The following CDK14 variants were observed in gnomAD, a reference collection of about 807,000 sequenced individuals.
The protein encoded by CDK14 is cyclin dependent kinase 14.
In CDK14, 34 loss-of-function variants were observed where a neutral mutation model predicts 60.7. The ratio of observed to expected loss-of-function variants is 0.56; its 90% CI spans 0.43 to 0.75. The LOEUF is 0.75. Among genes scored for constraint, CDK14 ranks in the 30% least tolerant of loss-of-function variants. CDK14 has a pLI of 0.00. For synonymous variants in CDK14, 197 were observed against 203.7 expected (o/e 0.97, Z 0.28); for missense variants, 482 against 564.1 (o/e 0.85, Z 1.47).
chr7:90,600,311 TTTTC>T (rs1799288274), intron 1 of CDK14, among the ~76,000 whole-genome samples: 1 of 152,246 alleles, frequency 6.6e-6, no homozygotes, highest in Non-Finnish European at 1.5e-5. Context: ...TCATTTCCTC[TTTTC>T]TTTCTTGTTT....
intron 2 of CDK14, among the ~76,000 whole-genome samples, chr7:90,639,289 T>G (rs1279107499): frequency 6.6e-6 from 1 of 152,014 alleles, no homozygotes; most frequent in African/African-American, 2.4e-5. Context: ...ATGATGGTGA[T>G]GTACAGATGG....
At chr7:91,137,688 T>G (rs1004436244) in intron 14 of CDK14, among the ~76,000 whole-genome samples, 28 of 37,840 alleles carry the variant, frequency 7.4e-4, no homozygotes, top group African/African-American at 1.6e-3. Context: ...TAAAGACTTG[T>G]GGGGGGTGTG....
intron 9 of CDK14, among the ~76,000 whole-genome samples, chr7:90,970,286 AACAC>A (rs1264857962): frequency 6.6e-6 from 1 of 151,518 alleles, no homozygotes; most frequent in Non-Finnish European, 1.5e-5. Context: ...GCACTTTTTA[AACAC>A]AGCCAACATC....
intron 2 of CDK14, among the ~76,000 whole-genome samples, chr7:90,700,597 A>G (rs1054453798): frequency 6.6e-5 from 10 of 152,170 alleles, no homozygotes; most frequent in Admixed American, 1.3e-4. Context: ...TGAATTATCA[A>G]ATTACATCCA....
intron 1 of CDK14, among the ~76,000 whole-genome samples, chr7:90,599,628 C>G (rs1419535572): frequency 6.6e-6 from 1 of 152,198 alleles, no homozygotes; most frequent in Non-Finnish European, 1.5e-5. Flanking sequence ...ACCCCATCAT[C>G]CTCCTTTCTT....
chr7:90,745,908 A>G (rs1253296577), intron 3 of CDK14, among the ~76,000 whole-genome samples: 1 of 152,050 alleles, frequency 6.6e-6, no homozygotes, highest in African/African-American at 2.4e-5. Flanking sequence ...TTCTCTACTG[A>G]TTGTGTGAAA....
At chr7:90,676,594 G>A (rs996413778) in intron 2 of CDK14, among the ~76,000 whole-genome samples, 3 of 150,644 alleles carry the variant, frequency 2.0e-5, no homozygotes, top group East Asian at 1.9e-4. Flanking sequence ...GTGCAGTGGC[G>A]TGATCTCGGC....
chr7:91,176,094 A>T (rs1244961689), intron 14 of CDK14, among the ~76,000 whole-genome samples: 2 of 151,576 alleles, frequency 1.3e-5, no homozygotes, highest in African/African-American at 4.8e-5. Context: ...AAGAACAGAA[A>T]TTATAACAAA....
At chr7:91,031,127 A>G (rs1346412378) in intron 10 of CDK14, among the ~76,000 whole-genome samples, 1 of 152,180 alleles carries the variant, frequency 6.6e-6, no homozygotes, top group African/African-American at 2.4e-5. Flanking sequence ...TCGGGGAAAT[A>G]TATTGTGAGT....
intron 14 of CDK14, among the ~76,000 whole-genome samples, chr7:91,201,522 G>T (rs1584209884): frequency 6.6e-6 from 1 of 151,186 alleles, no homozygotes; most frequent in East Asian, 1.9e-4. Context: ...GAAGGGCAAT[G>T]CAGCAGGAAA....
At chr7:90,624,102 T>C (rs1799828255) in intron 2 of CDK14, among the ~76,000 whole-genome samples, 1 of 152,196 alleles carries the variant, frequency 6.6e-6, no homozygotes, top group Admixed American at 6.5e-5. Flanking sequence ...GTTTCATCTC[T>C]GTTTTGTAGA....
intron 7 of CDK14, among the ~76,000 whole-genome samples, chr7:90,916,835 T>A (rs924165514): frequency 4.6e-5 from 7 of 152,182 alleles, no homozygotes; most frequent in African/African-American, 1.7e-4. Context: ...AATAGAAACA[T>A]TTGGTATGAT....
At chr7:90,796,917 GC>G (rs965506682) in intron 5 of CDK14, among the ~76,000 whole-genome samples, 5 of 151,808 alleles carry the variant, frequency 3.3e-5, no homozygotes, top group Non-Finnish European at 7.4e-5. Context: ...CAGTTACAAG[GC>G]AAGGTAGAAA....
chr7:90,975,354 A>G (rs1463655881), intron 9 of CDK14, among the ~76,000 whole-genome samples: 1 of 151,828 alleles, frequency 6.6e-6, no homozygotes, highest in Non-Finnish European at 1.5e-5. Context: ...TTAATTTTTA[A>G]AAATTGACAA....
chr7:90,650,098 C>T (rs1016650693), intron 2 of CDK14, among the ~76,000 whole-genome samples: 3 of 152,184 alleles, frequency 2.0e-5, no homozygotes, highest in Admixed American at 2.0e-4. Flanking sequence ...CTACTTATTT[C>T]TCCACAGCCT....
At chr7:90,650,778 T>A (rs997897587) in intron 2 of CDK14, among the ~76,000 whole-genome samples, 5 of 152,112 alleles carry the variant, frequency 3.3e-5, no homozygotes, top group African/African-American at 9.7e-5. Context: ...AGATGTGTGG[T>A]GTTATTTCTG....
chr7:90,637,563 T>G (rs1479711645), intron 2 of CDK14, among the ~76,000 whole-genome samples: 2 of 151,960 alleles, frequency 1.3e-5, no homozygotes, highest in East Asian at 3.9e-4. Flanking sequence ...AAGTATGTGG[T>G]CAATTTTGGA....
At chr7:91,117,320 T>A (rs138797336) in intron 13 of CDK14, among the ~76,000 whole-genome samples, 2 of 151,890 alleles carry the variant, frequency 1.3e-5, no homozygotes, top group African/African-American at 4.8e-5. Flanking sequence ...ACTTCACTGC[T>A]ATCACGCTGC....
At chr7:90,757,631 C>G (rs142939157) in intron 4 of CDK14, among the ~76,000 whole-genome samples, 429 of 151,020 alleles carry the variant, frequency 2.8e-3, no homozygotes, top group African/African-American at 6.6e-3. Context: ...GGGTCTCACT[C>G]TGTCGCCCAG....
Sources: gnomAD v4.1 joint callset for allele counts (sites outside exome capture counted in the v4.1 genomes callset) on GRCh38, gnomAD v4.1.1 for gene constraint, MANE v1.5 for transcripts, NCBI Gene and HGNC (gene_info 2026-07-23, HGNC 2026-07-21) for gene names.